The following SMAD7 variants were observed in gnomAD, a reference collection of about 807,000 sequenced individuals.
SMAD7 encodes SMAD family member 7.
Under a neutral mutation model 38.7 loss-of-function variants are expected in SMAD7, and 8 were observed. The observed-to-expected ratio is 0.21, with a 90% CI of 0.12 to 0.37. The LOEUF (loss-of-function observed/expected upper bound fraction) is 0.37, where lower values mean the gene tolerates loss of function less well. Ranked by LOEUF, SMAD7 falls within the 10% of genes least tolerant of loss-of-function variation. The pLI, the probability that SMAD7 is intolerant of heterozygous loss-of-function variation, is 1.00. For missense variants in SMAD7, 477 were observed against 577.9 expected (o/e 0.83, Z 1.79); for synonymous variants, 327 against 265.1 (o/e 1.23, Z -2.27).
Position 48,938,203 on chromosome 18 carries a change from G to T in SMAD7, c.742+4278C>A, listed in dbSNP as rs187389911. On this transcript the variant is annotated intron_variant, in intron 3 of 3. Coordinates refer to ENST00000262158, the MANE Select transcript of SMAD7 (RefSeq NM_005904.4). ...GCTCTCCTCTGAGACTATGACAGAT[G>T]CCAGCAAGGATCAAAGAGAAGGAGA... Among the ~76,000 whole-genome samples the T allele has an allele frequency of 7.9e-5, 12 of 152,318 alleles. No individual in the cohort carries two copies. In the East Asian group the frequency reaches 9.6e-4, roughly 12 times the overall value.
intron 3 of SMAD7, among the ~76,000 whole-genome samples, chr18:48,927,734 C>A (rs763660208): frequency 6.6e-6 from 1 of 152,212 alleles, no homozygotes; most frequent in Non-Finnish European, 1.5e-5. Flanking sequence ...AAATGCCCAC[C>A]AGTCTTCCTG....
intron 3 of SMAD7, among the ~76,000 whole-genome samples, chr18:48,936,273 A>G (rs1459532402): frequency 6.6e-6 from 1 of 152,172 alleles, no homozygotes; most frequent in Non-Finnish European, 1.5e-5. Flanking sequence ...TTTACTCTCC[A>G]CAATCACTGT....
At chr18:48,925,793 C>CTGGA (rs2069920162) in intron 3 of SMAD7, among the ~76,000 whole-genome samples, 1 of 151,836 alleles carries the variant, frequency 6.6e-6, no homozygotes, top group African/African-American at 2.4e-5. Flanking sequence ...GTCGCCCAGG[C>CTGGA]TGGAGTGCAG....
rs756388652 is a variant in SMAD7 at position 48,921,358 on chromosome 18, C to T, written c.*14G>A. ...TGGCCTGCTCAGCTCACGCTCTGTC[C>T]CCTCCGCACGCGGCTACCGGCTGTT... On this transcript the variant is annotated 3_prime_UTR_variant, in exon 4 of 4. Coordinates refer to ENST00000262158, the MANE Select transcript of SMAD7 (RefSeq NM_005904.4). This position sits in a 1 kb window ranked among gnomAD's most constrained non-coding sequence, Gnocchi z 6.4. 2.4e-5 allele frequency: 38 copies of T among 1,602,052 alleles called. No individual in the cohort carries two copies. Among genetic ancestry groups the T allele is most frequent in the Non-Finnish European group, 3.2e-5 (38 of 1,171,334 alleles).
chr18:48,921,453 C>A lies in SMAD7; in HGVS notation c.1200G>T (p.Val400=). 6.2e-7 allele frequency: 1 copy of A among 1,614,184 alleles called. No homozygotes were observed. The highest frequency in any genetic ancestry group is 8.5e-7 in the Non-Finnish European group (1 of 1,180,014). ...WTGFTVQISF[V]KGWGQCYTRQ... ...GGGTGTAGCACTGGCCCCAGCCCTT[C>A]ACAAAGCTGATCTGCACGGTAAAGC... The change falls in exon 4 of 4, where the codon GTG becomes GTT. Residue 400 remains valine, a synonymous_variant. Transcript: ENST00000262158. This position sits in a 1 kb window ranked among gnomAD's most constrained non-coding sequence, Gnocchi z 6.4.
At chr18:48,931,044 A>G (rs2069994437) in intron 3 of SMAD7, among the ~76,000 whole-genome samples, 1 of 152,250 alleles carries the variant, frequency 6.6e-6, no homozygotes, top group Non-Finnish European at 1.5e-5. Context: ...CATTATGTTA[A>G]GTGAAATAAG....
chr18:48,927,734 C>T (rs763660208), intron 3 of SMAD7, among the ~76,000 whole-genome samples: 1 of 152,212 alleles, frequency 6.6e-6, no homozygotes, highest in Non-Finnish European at 1.5e-5. Flanking sequence ...AAATGCCCAC[C>T]AGTCTTCCTG....
At chr18:48,936,484 C>T (rs534076481) in intron 3 of SMAD7, among the ~76,000 whole-genome samples, 2 of 152,250 alleles carry the variant, frequency 1.3e-5, no homozygotes, top group Admixed American at 6.5e-5. Flanking sequence ...CCCATGGGTC[C>T]CTTTTACAAT....
chr18:48,949,381 C>CGCCAAGGAAGGCTGGGAG, intron 1 of SMAD7: 3 of 578,590 alleles, frequency 5.2e-6, no homozygotes, highest in Non-Finnish European at 6.6e-6. Context: ...ACGCCTCTCC[C>CGCCAAGGAAGGCTGGGAG]AGCCTTCCTT....
chr18:48,941,757 T>C (rs1415537119), intron 3 of SMAD7, among the ~76,000 whole-genome samples: 1 of 152,206 alleles, frequency 6.6e-6, no homozygotes, highest in Non-Finnish European at 1.5e-5. Context: ...AGTGAGTTTC[T>C]CTAAGTACTG....
chr18:48,929,569 T>TCTCACACACACACACA (rs3082710), intron 3 of SMAD7, among the ~76,000 whole-genome samples: 15,911 of 114,254 alleles, frequency 0.14, 1,589 homozygotes, highest in Middle Eastern at 0.21. Flanking sequence ...TCTCTCTCTC[T>TCTCACACACACACACA]CACTCACACA....
chr18:48,944,274 G>A (rs962411865), intron 2 of SMAD7, among the ~76,000 whole-genome samples: 14 of 152,158 alleles, frequency 9.2e-5, no homozygotes, highest in Admixed American at 7.9e-4. Flanking sequence ...GCCACTCCCC[G>A]CCACCTTTGG....
rs532229517 is a variant in SMAD7, at chr18:48,934,859, C to CA, written c.742+7621dup. On this transcript the variant is annotated intron_variant, in intron 3 of 3. Coordinates refer to ENST00000262158, the MANE Select transcript of SMAD7 (RefSeq NM_005904.4). ...AACCACTTTTCTCTGGAGTTATTCT[C>CA]AAAAAAAAAGATGATGCAATTTCCT... 5.6e-4 allele frequency among the ~76,000 whole-genome samples: 84 copies of CA among 150,212 alleles called. 1 individual carries two copies. The highest frequency in any genetic ancestry group is 4.2e-4 in the South Asian group (2 of 4,736).
chr18:48,939,980 T>C (rs551880090), intron 3 of SMAD7, among the ~76,000 whole-genome samples: 9 of 152,022 alleles, frequency 5.9e-5, no homozygotes, highest in African/African-American at 1.9e-4. Flanking sequence ...AGGTTTGGGC[T>C]TTCTCCATTT....
chr18:48,923,534 G>A (rs1315154678), intron 3 of SMAD7, among the ~76,000 whole-genome samples: 2 of 152,088 alleles, frequency 1.3e-5, no homozygotes, highest in African/African-American at 2.4e-5. Flanking sequence ...CGTCAGTAAG[G>A]CCATACAAAT....
intron 2 of SMAD7, 59 bp downstream of exon 2, chr18:48,948,325 T>C: frequency 2.4e-6 from 3 of 1,270,946 alleles, no homozygotes; most frequent in Non-Finnish European, 3.3e-6. Context: ...AAAGCCACGT[T>C]CTAGAGGCTC....
Position 48,950,847 on chromosome 18 carries a change from CATGGAAGGTCCGCGGGGGCAA to C in SMAD7, c.-444_-424del, listed in dbSNP as rs1287814267. 6.6e-6 allele frequency: 1 copy of C among 151,510 alleles called. No homozygotes were observed. Among genetic ancestry groups the C allele is most frequent in the Non-Finnish European group, 1.5e-5 (1 of 67,906 alleles). 9.4% of individuals were successfully genotyped at this position (151,510 alleles called of 1,614,324 possible). A position where few individuals can be genotyped will look rare whatever the true frequency, so the allele number is the denominator to read the frequency against. ...CGGGCTCGCCAGCCTCGGCTTCCTACATGGAAGGTCCGCGGGGGCAAAAAACGAAAGGCGTTCGGCTGGGCT... is the reference window on the plus strand; with the variant it reads ...CGGGCTCGCCAGCCTCGGCTTCCTACAAAACGAAAGGCGTTCGGCTGGGCT... On this transcript the variant is annotated 5_prime_UTR_variant, in exon 1 of 4. The change abolishes an upstream ATG in the 5' untranslated region. Coordinates refer to ENST00000262158, the MANE Select transcript of SMAD7 (RefSeq NM_005904.4).
chr18:48,920,800 C>G lies in SMAD7; in HGVS notation c.*572G>C, dbSNP rs1402962152. On this transcript the variant is annotated 3_prime_UTR_variant, in exon 4 of 4. Coordinates refer to ENST00000262158, the MANE Select transcript of SMAD7 (RefSeq NM_005904.4). ...GGGAGAGGAGGGGCAGGGGCTTTCC[C>G]AGGCTGGGGACAGAGCCGTGCTCCT... 6.5e-6 allele frequency: 1 copy of G among 152,794 alleles called. No individual in the cohort carries two copies. Among genetic ancestry groups the G allele is most frequent in the Non-Finnish European group, 1.5e-5 (1 of 68,514 alleles). The allele number at this position is 152,794 out of a possible 1,614,324, so 9.5% of individuals were successfully genotyped here. A position where few individuals can be genotyped will look rare whatever the true frequency, so the allele number is the denominator to read the frequency against.
intron 3 of SMAD7, among the ~76,000 whole-genome samples, chr18:48,929,816 A>G (rs567719330): frequency 2.6e-5 from 4 of 152,068 alleles, no homozygotes; most frequent in African/African-American, 9.6e-5. Flanking sequence ...GCATCACAGG[A>G]CCCAAAGGCA....
Sources: allele counts gnomAD v4.1 joint callset (sites outside exome capture counted in the v4.1 genomes callset), GRCh38; gene constraint gnomAD v4.1.1; non-coding constraint Gnocchi (gnomAD v3.1); transcripts MANE v1.5; gene names NCBI Gene and HGNC (gene_info 2026-07-23, HGNC 2026-07-21).